Variants in SCAPER observed in about 807,000 individuals in gnomAD.
SCAPER encodes S-phase cyclin A associated protein in the ER, also known as S phase cyclin A-associated protein in the endoplasmic reticulum.
Under a neutral mutation model 182.2 loss-of-function variants are expected in SCAPER, and 98 were observed. That is an observed-to-expected ratio of 0.54 (90% CI 0.46 to 0.64). The LOEUF (loss-of-function observed/expected upper bound fraction) is 0.64. SCAPER is among the 30% of genes least tolerant of loss of function. The pLI is 0.00. For missense variants in SCAPER, 1,432 were observed against 1,690.0 expected (o/e 0.85, Z 2.68); for synonymous variants, 605 against 564.6 (o/e 1.07, Z -1.01).
At chr15:76,498,018 A>AAAT (rs2040753416) in intron 24 of SCAPER, among the ~76,000 whole-genome samples, 1 of 148,088 alleles carries the variant, frequency 6.8e-6, no homozygotes, top group Non-Finnish European at 1.5e-5. Flanking sequence ...AAAAAAAAAA[A>AAAT]AATAAGCACA....
At chr15:76,765,679 C>A (rs1253750425) in intron 11 of SCAPER, 41 bp from the exon 12 acceptor site, 5 of 1,445,918 alleles carry the variant, frequency 3.5e-6, no homozygotes, top group Non-Finnish European at 3.8e-6. Context: ...AATCTTTGAA[C>A]ACAATTACAA....
At chr15:76,791,614 T>A (rs2065012689) in intron 8 of SCAPER, among the ~76,000 whole-genome samples, 1 of 151,486 alleles carries the variant, frequency 6.6e-6, no homozygotes, top group Admixed American at 6.6e-5. Flanking sequence ...AGTCAAAAAA[T>A]CTTCAATTAA....
chr15:76,660,594 A>G (rs1229045675), intron 21 of SCAPER, among the ~76,000 whole-genome samples: 3 of 152,132 alleles, frequency 2.0e-5, no homozygotes, highest in Admixed American at 6.6e-5. Flanking sequence ...AGCTTCCTCA[A>G]TCTGATAAAG....
chr15:76,351,145 T>TTA, intron 31 of SCAPER, 92 bp downstream of exon 31: 1 of 1,078,618 alleles, frequency 9.3e-7, no homozygotes, highest in Non-Finnish European at 1.3e-6. Flanking sequence ...GTATAAAATT[T>TTA]TACATATAAT....
intron 20 of SCAPER, among the ~76,000 whole-genome samples, chr15:76,676,629 G>T (rs2057384096): frequency 6.6e-6 from 1 of 151,890 alleles, no homozygotes; most frequent in African/African-American, 2.4e-5. Flanking sequence ...GTAAGAAATT[G>T]ATTACATAAA....
chr15:76,661,628 G>A (rs1013551804), intron 21 of SCAPER, among the ~76,000 whole-genome samples: 1 of 152,130 alleles, frequency 6.6e-6, no homozygotes, highest in African/African-American at 2.4e-5. Context: ...AAACCACAAT[G>A]AGATACCATC....
intron 4 of SCAPER, among the ~76,000 whole-genome samples, chr15:76,846,988 C>T (rs1009228315): frequency 4.0e-5 from 6 of 151,660 alleles, no homozygotes; most frequent in African/African-American, 7.3e-5. Context: ...TACATATACA[C>T]AATGAAGTGC....
At chr15:76,554,927 C>T (rs540240189) in intron 23 of SCAPER, among the ~76,000 whole-genome samples, 24 of 151,998 alleles carry the variant, frequency 1.6e-4, no homozygotes, top group African/African-American at 3.6e-4. Flanking sequence ...ATTACAGGCA[C>T]GTGCCAACAT....
chr15:76,776,658 C>T (rs973752620), intron 8 of SCAPER, among the ~76,000 whole-genome samples: 14 of 152,140 alleles, frequency 9.2e-5, no homozygotes, highest in Non-Finnish European at 1.9e-4. Context: ...CAGGATCCCA[C>T]CCCAACCTAC....
intron 16 of SCAPER, among the ~76,000 whole-genome samples, chr15:76,731,646 T>TATAC (rs2060927058): frequency 6.6e-6 from 1 of 152,244 alleles, no homozygotes; most frequent in Admixed American, 6.5e-5. Context: ...ATTTTAATGT[T>TATAC]ATACATGTTA....
At chr15:76,351,200 A>T in intron 31 of SCAPER, 37 bp downstream of exon 31, 1 of 1,579,564 alleles carries the variant, frequency 6.3e-7, no homozygotes, top group Non-Finnish European at 8.6e-7. Flanking sequence ...CCATTTGGCT[A>T]ACAAACACAT....
chr15:76,690,872 T>C (rs1442003325), intron 20 of SCAPER, among the ~76,000 whole-genome samples: 2 of 148,340 alleles, frequency 1.3e-5, no homozygotes, highest in Admixed American at 6.6e-5. Context: ...ACGAAGTTCA[T>C]ATAGGAAAAA....
At chr15:76,795,212 A>T (rs2065239892) in intron 8 of SCAPER, 68 bp downstream of exon 8, 1 of 1,370,068 alleles carries the variant, frequency 7.3e-7, no homozygotes, top group East Asian at 2.4e-5. Flanking sequence ...GACCAATTTT[A>T]AACAAAATAA....
intron 2 of SCAPER, among the ~76,000 whole-genome samples, chr15:76,875,860 G>A (rs2073104771): frequency 6.6e-6 from 1 of 152,236 alleles, no homozygotes. Flanking sequence ...TCACTGCAAA[G>A]AGCGAAAGAG....
intron 21 of SCAPER, among the ~76,000 whole-genome samples, chr15:76,626,064 A>G (rs780998970): frequency 2.0e-5 from 3 of 152,164 alleles, no homozygotes. Flanking sequence ...GGCCGCATTC[A>G]AAGCCATCCT....
At chr15:76,738,321 G>C (rs2061378079) in intron 15 of SCAPER, among the ~76,000 whole-genome samples, 1 of 152,060 alleles carries the variant, frequency 6.6e-6, no homozygotes, top group Non-Finnish European at 1.5e-5. Context: ...GGTAGAGATG[G>C]GGTCTTGCTA....
intron 29 of SCAPER, among the ~76,000 whole-genome samples, chr15:76,355,852 A>C (rs2040924508): frequency 2.6e-5 from 4 of 152,216 alleles, no homozygotes; most frequent in Admixed American, 2.6e-4. Context: ...TTACAGAGCG[A>C]GTTTACAGAG....
chr15:76,579,895 T>C (rs1315170196), intron 22 of SCAPER, among the ~76,000 whole-genome samples: 5 of 152,118 alleles, frequency 3.3e-5, no homozygotes, highest in Admixed American at 2.6e-4. Flanking sequence ...AAAAAATACA[T>C]TTCAAGACAA....
chr15:76,371,618 T>A (rs2042184122), intron 29 of SCAPER, among the ~76,000 whole-genome samples: 1 of 149,780 alleles, frequency 6.7e-6, no homozygotes, highest in African/African-American at 2.4e-5. Flanking sequence ...ATGCCTGGCT[T>A]ATAATATTTC....
Sources: gnomAD v4.1 joint callset for allele counts (sites outside exome capture counted in the v4.1 genomes callset) on GRCh38, gnomAD v4.1.1 for gene constraint, MANE v1.5 for transcripts, NCBI Gene and HGNC (gene_info 2026-07-23, HGNC 2026-07-21) for gene names.